RELN: variants seen among roughly 807,000 people sequenced by gnomAD.
RELN encodes reelin.
RELN carries 108 observed loss-of-function variants against 427.6 expected under a neutral mutation model. The ratio of observed to expected loss-of-function variants is 0.25; its 90% confidence interval spans 0.22 to 0.30. RELN has a LOEUF of 0.30. Among genes scored for constraint, RELN ranks in the 10% least tolerant of loss-of-function variants. The pLI is 1.00. For missense variants in RELN, 3,715 were observed against 4,302.8 expected (o/e 0.86, Z 3.82); for synonymous variants, 1,524 against 1,513.4 (o/e 1.01, Z -0.16).
intron 6 of RELN, among the ~76,000 whole-genome samples, chr7:103,740,308 A>G (rs901166684): frequency 6.6e-6 from 1 of 152,208 alleles, no homozygotes; most frequent in African/African-American, 2.4e-5. Context: ...CACTTGTGTA[A>G]GCATGAACAA....
chr7:103,522,088 C>G lies in RELN; in HGVS notation c.7602G>C (p.Val2534=). The change falls in exon 48 of 65, where the codon GTG becomes GTC. Residue 2534 remains valine (V), a synonymous_variant. Coordinates refer to ENST00000428762, the MANE Select transcript of RELN (RefSeq NM_005045.4). ...RAPSSQNWLT[V]NGGKLSTVCG... ...ACACTGTACTCAATTTCCCTCCGTT[C>G]ACAGTCAGCCAGTTCTGACTGGATG... 6.2e-7 allele frequency: 1 copy of G among 1,614,108 alleles called. No homozygotes were observed. The highest frequency in any genetic ancestry group is 2.2e-5 in the East Asian group (1 of 44,870).
At chr7:103,619,868 A>ATGTGTGTT (rs1468204648) in intron 20 of RELN, among the ~76,000 whole-genome samples, 1 of 151,006 alleles carries the variant, frequency 6.6e-6, no homozygotes, top group Non-Finnish European at 1.5e-5. Context: ...GTGTGTGTAT[A>ATGTGTGTT]TGTGTGTTTG....
chr7:103,736,363 A>G lies in RELN; in HGVS notation c.657-8156T>C, dbSNP rs995824657. On this transcript the variant is annotated intron_variant, in intron 6 of 64. Transcript: ENST00000428762. ...TTTTTAAATCCTATCCTCTTTGTAA[A>G]TGTGGAATCTTTTTAGAGAAACAGC... is the stretch of plus-strand genomic sequence containing the variant. Among the ~76,000 whole-genome samples, 3 of 152,350 alleles carry G rather than the reference A, an allele frequency of 2.0e-5. No individual in the cohort carries two copies. The South Asian group carries it at 6.2e-4, about 32-fold the overall frequency.
rs1208343294 is a variant in RELN at position 103,563,308 on chromosome 7, A to G, written c.5211-1355T>C. On this transcript the variant is annotated intron_variant, in intron 34 of 64. Transcript: ENST00000428762. This position sits in a 1 kb window ranked among gnomAD's most constrained non-coding sequence, Gnocchi z 4.1. Reference sequence around the variant, plus strand: ...ATAATGGATCTGAAAAAAAATTCCTATTGCTAATTGACATCTTGATGATTC... The same window carrying G: ...ATAATGGATCTGAAAAAAAATTCCTGTTGCTAATTGACATCTTGATGATTC... Among the ~76,000 whole-genome samples, 3 of 152,142 alleles carry G rather than the reference A, an allele frequency of 2.0e-5. No individual in the cohort carries two copies. In the East Asian group the frequency reaches 5.8e-4, roughly 29 times the overall value.
intron 1 of RELN, among the ~76,000 whole-genome samples, chr7:103,986,598 C>T (rs919969997): frequency 3.6e-5 from 5 of 137,904 alleles, no homozygotes; most frequent in African/African-American, 1.4e-4. Flanking sequence ...CTATTGTGCA[C>T]ACCACCTCTA....
chr7:103,492,080 CCATTA>C, intron 57 of RELN, 54 bp from the exon 58 acceptor site: 1 of 1,362,296 alleles, frequency 7.3e-7, no homozygotes, highest in Non-Finnish European at 1.0e-6. Context: ...ATACTGAATT[CCATTA>C]ATTAAAATCC....
intron 10 of RELN, among the ~76,000 whole-genome samples, chr7:103,695,643 A>C (rs1833963217): frequency 6.6e-6 from 1 of 152,164 alleles, no homozygotes; most frequent in Non-Finnish European, 1.5e-5. Flanking sequence ...CAGAGGGTAC[A>C]TTTATGCCAT....
chr7:103,624,026 T>A (rs2117319711), intron 20 of RELN, among the ~76,000 whole-genome samples: 1 of 152,312 alleles, frequency 6.6e-6, no homozygotes, highest in South Asian at 2.1e-4. Flanking sequence ...ACTGGTTAAT[T>A]GTTAATAAGC....
chr7:103,503,283 TCTC>T (rs1373681474), intron 51 of RELN, 53 bp from the exon 52 acceptor site: 2 of 1,548,418 alleles, frequency 1.3e-6, no homozygotes, highest in South Asian at 1.1e-5. Flanking sequence ...ATATGATTCT[TCTC>T]CAAGGACTTG....
At chr7:103,885,402 C>T (rs1249879127) in intron 2 of RELN, among the ~76,000 whole-genome samples, 1 of 151,834 alleles carries the variant, frequency 6.6e-6, no homozygotes, top group Non-Finnish European at 1.5e-5. Flanking sequence ...GAATACTATG[C>T]AGCCATAAAA....
At chr7:103,827,094 G>A (rs1793161735) in intron 3 of RELN, among the ~76,000 whole-genome samples, 1 of 150,138 alleles carries the variant, frequency 6.7e-6, no homozygotes, top group African/African-American at 2.5e-5. Flanking sequence ...AGGAAGAAGA[G>A]CAAATCTGCT....
intron 3 of RELN, among the ~76,000 whole-genome samples, chr7:103,821,241 A>C (rs1377712655): frequency 2.6e-5 from 4 of 152,158 alleles, no homozygotes; most frequent in Admixed American, 1.3e-4. Context: ...TGTAGGCTTT[A>C]ATGTGCATCC....
intron 1 of RELN, among the ~76,000 whole-genome samples, chr7:103,949,335 T>C (rs958585915): frequency 2.0e-5 from 3 of 151,832 alleles, no homozygotes; most frequent in African/African-American, 7.3e-5. Flanking sequence ...CAAATTTATA[T>C]GTTAAAATCC....
At chr7:103,921,327 C>T (rs1406191027) in intron 1 of RELN, among the ~76,000 whole-genome samples, 1 of 152,026 alleles carries the variant, frequency 6.6e-6, no homozygotes, top group South Asian at 2.1e-4. Flanking sequence ...TAGGTAAACT[C>T]CTATTTAAAC....
intron 46 of RELN, among the ~76,000 whole-genome samples, chr7:103,534,432 A>G (rs751505579): frequency 1.3e-5 from 2 of 152,208 alleles, no homozygotes; most frequent in Non-Finnish European, 2.9e-5. Context: ...AAATGCACAG[A>G]TAATTTAGAT....
intron 58 of RELN, 101 bp from the exon 59 acceptor site, chr7:103,490,930 G>A: frequency 8.8e-7 from 1 of 1,137,396 alleles, no homozygotes; most frequent in Non-Finnish European, 1.3e-6. Context: ...TAAAATATTT[G>A]TATAGGAGTT....
At chr7:103,838,265 A>G (rs1584284089) in intron 2 of RELN, among the ~76,000 whole-genome samples, 1 of 152,026 alleles carries the variant, frequency 6.6e-6, no homozygotes, top group East Asian at 1.9e-4. Flanking sequence ...ACAACTTATA[A>G]TACAAATTAT....
chr7:103,608,140 C>G (rs1342276605), intron 22 of RELN, among the ~76,000 whole-genome samples: 1 of 152,196 alleles, frequency 6.6e-6, no homozygotes, highest in Non-Finnish European at 1.5e-5. Context: ...CTGCTACAAA[C>G]TGCATTCCCT....
rs150552293 is a variant in RELN, at chr7:103,864,169, A to C, written c.338-30497T>G. The stretch of plus-strand genomic sequence containing the variant: ...CTCTGTCAACCGTAATTGAAATCTC[A>C]TAACTTAAACACACCTATAATGCAA... On this transcript the variant is annotated intron_variant, in intron 2 of 64. Coordinates refer to ENST00000428762, the MANE Select transcript of RELN (RefSeq NM_005045.4). 4.6e-5 allele frequency among the ~76,000 whole-genome samples: 7 copies of C among 152,188 alleles called. No homozygotes were observed. In the East Asian group the frequency reaches 5.8e-4, roughly 13 times the overall value.
Sources: allele counts gnomAD v4.1 joint callset (sites outside exome capture counted in the v4.1 genomes callset), GRCh38; gene constraint gnomAD v4.1.1; non-coding constraint Gnocchi (gnomAD v3.1); transcripts MANE v1.5; gene names NCBI Gene and HGNC (gene_info 2026-07-23, HGNC 2026-07-21).